Variants in SVIL observed in about 807,000 individuals in gnomAD.
SVIL encodes supervillin.
In SVIL, 101 loss-of-function variants were observed where a neutral mutation model predicts 240.4. The observed-to-expected ratio is 0.42, with a 90% confidence interval of 0.36 to 0.50. The LOEUF is 0.50. Among genes scored for constraint, SVIL ranks in the 20% least tolerant of loss-of-function variants. SVIL has a pLI of 0.01. For missense variants in SVIL, 2,512 were observed against 2,818.7 expected (o/e 0.89, Z 2.46); for synonymous variants, 999 against 1,100.0 (o/e 0.91, Z 1.82).
At chr10:29,736,821 T>TGGGCCCCGGGAAAGTCGGCCA (rs2132733656), upstream of SVIL, 1 of 151,224 alleles carries the variant, frequency 6.6e-6, no homozygotes, top group East Asian at 2.0e-4. Context: ...CGAGGAGGTG[T>TGGGCCCCGGGAAAGTCGGCCA]GGGCCCCGGG....
intron 27 of SVIL, chr10:29,482,996 CAAAG>C (rs1447216741): frequency 6.6e-6 from 1 of 152,200 alleles, no homozygotes; most frequent in Non-Finnish European, 1.5e-5. Context: ...CTGCCTGATT[CAAAG>C]AAAGCTGCCG....
rs1459057651 is a variant in SVIL at position 29,714,798 on chromosome 10, A to G, written c.-400+20953T>C. On this transcript the variant is annotated intron_variant, in intron 1 of 35. Coordinates refer to the SVIL transcript ENST00000375400. ...AACATGGTGAGAGCCCATCTCTACA[A>G]AATAATTAAAAATTAGCTGGGCATG... Among the ~76,000 whole-genome samples, 3 of 151,952 alleles carry G rather than the reference A, an allele frequency of 2.0e-5. No homozygotes were observed. In the East Asian group the frequency reaches 5.8e-4, roughly 29 times the overall value.
intron 1 of SVIL, among the ~76,000 whole-genome samples, chr10:29,729,568 G>A (rs1361808397): frequency 6.6e-6 from 1 of 150,660 alleles, no homozygotes; most frequent in African/African-American, 2.4e-5. Context: ...GGGTGCGGTG[G>A]CTCACACCTG....
chr10:29,544,789 T>C (rs1480994989), intron 6 of SVIL, among the ~76,000 whole-genome samples: 1 of 147,902 alleles, frequency 6.8e-6, no homozygotes, highest in Non-Finnish European at 1.5e-5. Context: ...AGAATAAGAA[T>C]TGTCACTTGA....
chr10:29,584,679 A>T (rs1475673849), intron 1 of SVIL, among the ~76,000 whole-genome samples: 43 of 152,182 alleles, frequency 2.8e-4, no homozygotes, highest in Non-Finnish European at 6.0e-4. Context: ...CGGCCTTCCC[A>T]TGGAGTCGAC....
chr10:29,713,869 G>C (rs1413099957), intron 1 of SVIL, among the ~76,000 whole-genome samples: 1 of 152,172 alleles, frequency 6.6e-6, no homozygotes, highest in East Asian at 1.9e-4. Context: ...ATGTTAAGCA[G>C]ATTTCTTTAC....
At chr10:29,505,641 C>G (rs1315695882) in intron 17 of SVIL, among the ~76,000 whole-genome samples, 2 of 152,090 alleles carry the variant, frequency 1.3e-5, no homozygotes, top group Non-Finnish European at 2.9e-5. Flanking sequence ...AAGAATGGAC[C>G]ACACCAAAAG....
In SVIL at chr10:29,532,974, C is replaced by T. The variant is rs1407137450; in HGVS notation, c.1393G>A (p.Val465Met). The change falls in exon 8 of 38, where the codon GTG becomes ATG. Residue 465 changes from valine to methionine, a missense_variant. By Grantham distance (21) the Val-to-Met change is conservative. Around this residue, in one of 3 missense-constraint regions of SVIL, gnomAD observed 1,443 missense variants for 1,486.6 expected, o/e 0.97. Transcript: ENST00000355867. ...CTAGAGGGATCTTCTGGGCTTCTCACTAGCCCATCACCCTCCAAAGCCAGT... is the reference window on the plus strand; with the variant it reads ...CTAGAGGGATCTTCTGGGCTTCTCATTAGCCCATCACCCTCCAAAGCCAGT... ...TLLALEGDGL[V>M]RSPEDPSRNE... 1.2e-6 allele frequency: 2 copies of T among 1,614,064 alleles called. No homozygotes were observed. The highest frequency in any genetic ancestry group is 2.2e-5 in the South Asian group (2 of 91,090).
At chr10:29,691,292 A>C (rs1176890936) in intron 1 of SVIL, among the ~76,000 whole-genome samples, 2 of 151,672 alleles carry the variant, frequency 1.3e-5, no homozygotes, top group Non-Finnish European at 2.9e-5. Flanking sequence ...GCTCACTGCA[A>C]GCTCCACCTC....
At chr10:29,603,548 G>A (rs1956895593) in intron 1 of SVIL, among the ~76,000 whole-genome samples, 1 of 152,216 alleles carries the variant, frequency 6.6e-6, no homozygotes, top group Admixed American at 6.5e-5. Flanking sequence ...TGGCCAGACA[G>A]TTCATCTAAT....
chr10:29,675,383 G>A lies in SVIL; in HGVS notation c.-301+11170C>T, dbSNP rs1960120952. Among the ~76,000 whole-genome samples, 3 of 152,176 alleles carry A rather than the reference G, an allele frequency of 2.0e-5. 1 individual carries two copies. Among genetic ancestry groups the A allele is most frequent in the Admixed American group, 1.3e-4 (2 of 15,288 alleles). ...GCTGGACATGGTGGTGCATGCCTGT[G>A]GTCCTAGCTTCTCAGGAGACTGAGG... is the stretch of plus-strand genomic sequence containing the variant. On this transcript the variant is annotated intron_variant, in intron 2 of 35. Coordinates refer to the SVIL transcript ENST00000375400.
intron 2 of SVIL, among the ~76,000 whole-genome samples, chr10:29,667,163 CTT>C (rs1406362960): frequency 6.6e-6 from 1 of 152,088 alleles, no homozygotes; most frequent in Non-Finnish European, 1.5e-5. Flanking sequence ...AAAGTGAAAA[CTT>C]ATGTTTCCAT....
At chr10:29,708,995 G>C (rs183423976) in intron 1 of SVIL, among the ~76,000 whole-genome samples, 3 of 134,358 alleles carry the variant, frequency 2.2e-5, no homozygotes, top group Non-Finnish European at 4.8e-5. Context: ...AGAACACAAA[G>C]CAAAAGAATA....
At chr10:29,478,726 G>T (rs1156397821) in intron 29 of SVIL, among the ~76,000 whole-genome samples, 2 of 151,668 alleles carry the variant, frequency 1.3e-5, no homozygotes, top group African/African-American at 4.8e-5. Flanking sequence ...TTTGAGACCA[G>T]CCTGGGCAAC....
chr10:29,458,291 CG>C lies in SVIL; in HGVS notation c.6600del (p.Ala2201ProfsTer5). 6.2e-7 allele frequency: 1 copy of C among 1,614,174 alleles called. No homozygotes were observed. Among genetic ancestry groups the C allele is most frequent in the Non-Finnish European group, 8.5e-7 (1 of 1,179,990 alleles). Reference protein sequence around the residue: ...DMTRDEYNALPAWKQVNLKKA... With the variant: ...DMTRDEYNALXAWKQVNLKKA... Reference sequence around the variant, plus strand: ...TTCTTCAGGTTCACCTGCTTCCAGGCGGGCAGGGCGTTGTATTCATCCCTCG... The same window carrying C: ...TTCTTCAGGTTCACCTGCTTCCAGGCGGCAGGGCGTTGTATTCATCCCTCG... On this transcript the variant is annotated frameshift_variant, in exon 38 of 38. Transcript: ENST00000355867. LOFTEE classifies it high-confidence loss of function.
intron 17 of SVIL, among the ~76,000 whole-genome samples, chr10:29,504,259 A>G (rs190293284): frequency 7.4e-4 from 113 of 152,360 alleles, no homozygotes; most frequent in African/African-American, 2.6e-3. Flanking sequence ...TTACATAGGA[A>G]GAAATTTAGA....
At chr10:29,469,868 T>C (rs892283674) in intron 32 of SVIL, among the ~76,000 whole-genome samples, 1 of 152,190 alleles carries the variant, frequency 6.6e-6, no homozygotes, top group Non-Finnish European at 1.5e-5. Context: ...TTTCCCACAC[T>C]CTTCTTTAGC....
At chr10:29,633,628 G>A (rs908382378) in intron 1 of SVIL, among the ~76,000 whole-genome samples, 6 of 151,516 alleles carry the variant, frequency 4.0e-5, no homozygotes, top group African/African-American at 7.3e-5. Flanking sequence ...ATGACTGCCC[G>A]TACTTGTCCA....
In SVIL at chr10:29,644,669, T is replaced by TGAAA. The variant is rs541236983; in HGVS notation, c.-201+13296_-201+13299dup. ...CTGGGCGGCAGAGCAAGATTCCACC[T>TGAAA]GAAAGAAAGAAAGAAAGAAAGAGGG... On this transcript the variant is annotated intron_variant, in intron 3 of 35. Transcript: ENST00000375400. Among the ~76,000 whole-genome samples, 505 of 152,002 alleles carry TGAAA rather than the reference T, an allele frequency of 3.3e-3. 2 individuals carry two copies. Among genetic ancestry groups the TGAAA allele is most frequent in the African/African-American group, 0.01 (416 of 41,454 alleles).
Sources: allele counts gnomAD v4.1 joint callset (sites outside exome capture counted in the v4.1 genomes callset), GRCh38; gene constraint gnomAD v4.1.1; regional missense constraint gnomAD v4.1.1; transcripts MANE v1.5; gene names NCBI Gene and HGNC (gene_info 2026-07-23, HGNC 2026-07-21).